BIN3: variants seen among roughly 807,000 people sequenced by gnomAD.
The protein encoded by BIN3 is bridging integrator 3.
A neutral mutation model predicts 38.2 loss-of-function variants in BIN3; 41 were observed. That is an observed-to-expected ratio of 1.07 (90% CI 0.84 to 1.39). The LOEUF (loss-of-function observed/expected upper bound fraction) is 1.39, where lower values mean the gene tolerates loss of function less well. Among genes scored for constraint, BIN3 ranks in the 40% most tolerant of loss-of-function variants. BIN3 has a pLI of 0.00. For synonymous variants in BIN3, 145 were observed against 122.6 expected (o/e 1.18, Z -1.21); for missense variants, 361 against 324.3 (o/e 1.11, Z -0.87).
In BIN3 at chr8:22,630,450, G is replaced by T; in HGVS notation, c.289C>A (p.Gln97Lys). The T allele has an allele frequency of 6.2e-7, 1 of 1,613,970 alleles. No homozygotes were observed. The highest frequency in any genetic ancestry group is 8.5e-7 in the Non-Finnish European group (1 of 1,179,862). Residue 97 changes from glutamine to lysine, a missense_variant, in exon 5 of 9, where the codon CAG becomes AAG. By Grantham distance (53) the Gln-to-Lys change is moderately conservative. Coordinates refer to ENST00000276416, the MANE Select transcript of BIN3 (RefSeq NM_018688.6). ...TAMKRMDAFN[Q>K]EKVNQIQKTV... is the part of the protein sequence containing the mutation. ...CACCAAGACCTAGTCACCTTTTCCT[G>T]ATTGAAGGCATCCATCCGCTTCATG... is the stretch of plus-strand genomic sequence containing the variant.
At chr8:22,624,404 G>C (rs939592902) in intron 6 of BIN3, 41 bp from the exon 7 acceptor site, 26 of 1,594,902 alleles carry the variant, frequency 1.6e-5, no homozygotes, top group Non-Finnish European at 2.2e-5. Flanking sequence ...GTTCTTGAAG[G>C]GGTGGCCTGG....
chr8:22,667,818 T>TG (rs993856657), intron 1 of BIN3, among the ~76,000 whole-genome samples: 1 of 151,828 alleles, frequency 6.6e-6, no homozygotes, highest in Admixed American at 6.6e-5. Flanking sequence ...AAGAAACAGG[T>TG]GGGGGAGGGG....
intron 1 of BIN3, among the ~76,000 whole-genome samples, chr8:22,649,644 A>G (rs1336277113): frequency 6.6e-6 from 1 of 152,212 alleles, no homozygotes; most frequent in African/African-American, 2.4e-5. Flanking sequence ...GGTGGTGAGA[A>G]TATGATTACT....
At chr8:22,638,868 C>T (rs1376080640) in intron 2 of BIN3, among the ~76,000 whole-genome samples, 1 of 152,226 alleles carries the variant, frequency 6.6e-6, no homozygotes, top group Non-Finnish European at 1.5e-5. Context: ...CATCCAGGAA[C>T]CCACTATTTT....
intron 6 of BIN3, among the ~76,000 whole-genome samples, chr8:22,626,827 G>A (rs1802022230): frequency 6.6e-6 from 1 of 152,178 alleles, no homozygotes; most frequent in African/African-American, 2.4e-5. Context: ...CATCCCCTGA[G>A]GCACTCTCAT....
At chr8:22,653,751 C>A (rs1408919172) in intron 1 of BIN3, among the ~76,000 whole-genome samples, 1 of 152,152 alleles carries the variant, frequency 6.6e-6, no homozygotes, top group African/African-American at 2.4e-5. Context: ...TTTCAGTTTA[C>A]CACAACATAG....
In BIN3 at chr8:22,621,266, G is replaced by A. The variant is rs930148626; in HGVS notation, c.*156C>T. The A allele has an allele frequency of 1.9e-6, 2 of 1,028,686 alleles. No individual in the cohort carries two copies. The highest frequency in any genetic ancestry group is 2.6e-5 in the East Asian group (1 of 38,046). 63.7% of individuals were successfully genotyped at this position (1,028,686 alleles called of 1,614,324 possible). On this transcript the variant is annotated 3_prime_UTR_variant, in exon 9 of 9. Transcript: ENST00000276416. Reference sequence around the variant, plus strand: ...GACGGCGGCCTGCCTAGGGCTCCTGGTGCCAGGCTCAGGAAGAGTCATTCA... The same window carrying A: ...GACGGCGGCCTGCCTAGGGCTCCTGATGCCAGGCTCAGGAAGAGTCATTCA...
At chr8:22,633,621 G>A (rs1027101869) in intron 4 of BIN3, among the ~76,000 whole-genome samples, 2 of 152,222 alleles carry the variant, frequency 1.3e-5, no homozygotes, top group East Asian at 1.9e-4. Context: ...CTGGGGGAGC[G>A]CAGGAGATTC....
chr8:22,629,330 T>C (rs1291374984), intron 6 of BIN3, among the ~76,000 whole-genome samples: 2 of 151,798 alleles, frequency 1.3e-5, no homozygotes, highest in Non-Finnish European at 2.9e-5. Context: ...GAAGATGAAG[T>C]GATTCGGGGC....
intron 1 of BIN3, among the ~76,000 whole-genome samples, chr8:22,653,718 C>T (rs1337467838): frequency 6.6e-6 from 1 of 152,198 alleles, no homozygotes; most frequent in Non-Finnish European, 1.5e-5. Flanking sequence ...TTTCCTAACT[C>T]GCTGCAATGT....
At chr8:22,626,064 C>G (rs1294235116) in intron 6 of BIN3, 1 of 152,512 alleles carries the variant, frequency 6.6e-6, no homozygotes, top group Non-Finnish European at 1.5e-5. Flanking sequence ...CAGGAATCCT[C>G]TACCTCAACA....
chr8:22,648,943 G>A (rs1563972691), intron 1 of BIN3, among the ~76,000 whole-genome samples: 1 of 151,676 alleles, frequency 6.6e-6, no homozygotes, highest in Admixed American at 6.6e-5. Flanking sequence ...ATGTATGTAA[G>A]TGTGTGTGTG....
chr8:22,634,046 G>C (rs896737984), intron 4 of BIN3, among the ~76,000 whole-genome samples: 1 of 152,224 alleles, frequency 6.6e-6, no homozygotes, highest in African/African-American at 2.4e-5. Flanking sequence ...CCTTGGTTCC[G>C]TAGCAAGCCA....
intron 1 of BIN3, among the ~76,000 whole-genome samples, chr8:22,663,418 C>T (rs559103719): frequency 8.2e-6 from 1 of 122,350 alleles, no homozygotes; most frequent in African/African-American, 3.4e-5. Context: ...GCCTGGGCAA[C>T]AGTGAGACCC....
chr8:22,626,998 T>G (rs1403711832), intron 6 of BIN3, among the ~76,000 whole-genome samples: 2 of 152,158 alleles, frequency 1.3e-5, no homozygotes, highest in African/African-American at 4.8e-5. Context: ...GGTGGCCACC[T>G]GGCTGCATGG....
chr8:22,634,720 C>G (rs1802314678), intron 4 of BIN3, among the ~76,000 whole-genome samples: 1 of 152,106 alleles, frequency 6.6e-6, no homozygotes, highest in Non-Finnish European at 1.5e-5. Flanking sequence ...CACAGACAGC[C>G]AAGCAAAGAG....
intron 1 of BIN3, among the ~76,000 whole-genome samples, chr8:22,655,584 T>G (rs1341268065): frequency 6.6e-6 from 1 of 152,208 alleles, no homozygotes; most frequent in African/African-American, 2.4e-5. Context: ...CAATTGTCCA[T>G]ATATGTAAGG....
intron 2 of BIN3, among the ~76,000 whole-genome samples, chr8:22,639,117 T>C (rs1802459099): frequency 6.6e-6 from 1 of 152,242 alleles, no homozygotes; most frequent in African/African-American, 2.4e-5. Context: ...AGTCTGTACT[T>C]TGGTGTCAGC....
intron 2 of BIN3, among the ~76,000 whole-genome samples, chr8:22,640,669 C>A (rs1349153267): frequency 6.6e-6 from 1 of 152,168 alleles, no homozygotes; most frequent in African/African-American, 2.4e-5. Context: ...GTTAGCTGAA[C>A]CCCGGGGCCC....
Sources: allele counts gnomAD v4.1 joint callset (sites outside exome capture counted in the v4.1 genomes callset), GRCh38; gene constraint gnomAD v4.1.1; transcripts MANE v1.5; gene names NCBI Gene and HGNC (gene_info 2026-07-23, HGNC 2026-07-21).